ENTPD1: variants seen among roughly 807,000 people sequenced by gnomAD.
ENTPD1 encodes the protein ectonucleoside triphosphate diphosphohydrolase 1, also known as ATP diphosphohydrolase.
ENTPD1 carries 33 observed loss-of-function variants against 57.0 expected under a neutral mutation model. The observed-to-expected ratio is 0.58, with a 90% CI of 0.44 to 0.77. The LOEUF (loss-of-function observed/expected upper bound fraction) is 0.77. ENTPD1 is among the 30% of genes least tolerant of loss of function. The pLI, the probability that ENTPD1 is intolerant of heterozygous loss-of-function variation, is 0.00. For synonymous variants in ENTPD1, 202 were observed against 218.8 expected (o/e 0.92, Z 0.68); for missense variants, 501 against 603.4 (o/e 0.83, Z 1.78).
Position 95,869,884 on chromosome 10 carries a change from A to T in ENTPD1, c.*3501A>T. ...ATTTTGTGTCTATTACATTTACAGCACATCTTAATTAGGACTAGCTGTGTG... is the reference window on the plus strand; with the variant it reads ...ATTTTGTGTCTATTACATTTACAGCTCATCTTAATTAGGACTAGCTGTGTG... On this transcript the variant is annotated 3_prime_UTR_variant, in exon 10 of 10. Coordinates refer to ENST00000371205, the MANE Select transcript of ENTPD1 (RefSeq NM_001776.6). 1.2e-6 allele frequency: 1 copy of T among 835,382 alleles called. No individual in the cohort carries two copies. Among genetic ancestry groups the T allele is most frequent in the East Asian group, 1.2e-4 (1 of 8,110 alleles). The allele number at this position is 835,382 out of a possible 1,614,324, so 51.7% of individuals were successfully genotyped here.
chr10:95,767,456 C>CT (rs2140060525), intron 1 of ENTPD1, among the ~76,000 whole-genome samples: 1 of 151,826 alleles, frequency 6.6e-6, no homozygotes, highest in East Asian at 1.9e-4. Context: ...CTGTGTCCTC[C>CT]TTTTTCTTAT....
chr10:95,782,276 G>C (rs1286064877), intron 1 of ENTPD1, among the ~76,000 whole-genome samples: 1 of 152,188 alleles, frequency 6.6e-6, no homozygotes, highest in Non-Finnish European at 1.5e-5. Context: ...CTGTGATTCA[G>C]TATATATTTA....
Position 95,868,571 on chromosome 10 carries a change from C to T in ENTPD1, c.*2188C>T, listed in dbSNP as rs557100419. 43 of 985,394 alleles carry T rather than the reference C, an allele frequency of 4.4e-5. No homozygotes were observed. Among genetic ancestry groups the T allele is most frequent in the African/African-American group, 4.2e-4 (24 of 57,340 alleles). The allele number at this position is 985,394 out of a possible 1,614,324, so 61.0% of individuals were successfully genotyped here. ...ACAGCCGCTTTTTTCCTTCTGTCTGCGTATACAAAGCACTGTCATGCACAC... is the reference window on the plus strand; with the variant it reads ...ACAGCCGCTTTTTTCCTTCTGTCTGTGTATACAAAGCACTGTCATGCACAC... On this transcript the variant is annotated 3_prime_UTR_variant, in exon 10 of 10. Transcript: ENST00000371205.
chr10:95,859,982 T>C (rs955233451), intron 7 of ENTPD1, among the ~76,000 whole-genome samples: 1 of 152,152 alleles, frequency 6.6e-6, no homozygotes, highest in Non-Finnish European at 1.5e-5. Context: ...AATAAATATT[T>C]GTTGAATAAA....
At chr10:95,768,493 C>CTT (rs903054485) in intron 1 of ENTPD1, among the ~76,000 whole-genome samples, 3 of 125,346 alleles carry the variant, frequency 2.4e-5, no homozygotes, top group African/African-American at 9.1e-5. Flanking sequence ...TCTTTCTTTT[C>CTT]TTTTTTCTTT....
At chr10:95,811,317 CAG>C (rs2098306114) in intron 1 of ENTPD1, among the ~76,000 whole-genome samples, 1 of 152,188 alleles carries the variant, frequency 6.6e-6, no homozygotes, top group African/African-American at 2.4e-5. Context: ...GAGTGGCTGA[CAG>C]GGTGCTAGAG....
intron 7 of ENTPD1, among the ~76,000 whole-genome samples, chr10:95,860,067 C>A (rs1032429015): frequency 2.0e-5 from 3 of 152,044 alleles, no homozygotes; most frequent in African/African-American, 7.2e-5. Context: ...GGGGAAAAAA[C>A]CAATTTCGCT....
At chr10:95,740,849 GC>G (rs1237338444) in intron 1 of ENTPD1, among the ~76,000 whole-genome samples, 9 of 152,178 alleles carry the variant, frequency 5.9e-5, no homozygotes, top group African/African-American at 2.2e-4. Context: ...CTTTTCTTCT[GC>G]AGCTTTCTTA....
At position 95,760,229 on chromosome 10, in the gene ENTPD1, C is replaced by T. The variant is rs571407062; in HGVS notation, c.16+3974C>T. On this transcript the variant is annotated intron_variant, in intron 1 of 9. Coordinates refer to ENST00000371205, the MANE Select transcript of ENTPD1 (RefSeq NM_001776.6). The stretch of plus-strand genomic sequence containing the variant: ...GTGCCATGAGAAGCAGAATAGGGAG[C>T]GATGGCTTCTGGAGAAACTTCTCAA... Among the ~76,000 whole-genome samples the T allele has an allele frequency of 1.8e-4, 28 of 152,256 alleles. 1 individual carries two copies. The highest frequency in any genetic ancestry group is 4.8e-4 in the African/African-American group (20 of 41,544).
At position 95,823,307 on chromosome 10, in the gene ENTPD1, G is replaced by A. The variant is rs2098360683; in HGVS notation, c.87G>A (p.Val29=). The A allele has an allele frequency of 2.5e-6, 4 of 1,614,062 alleles. No individual in the cohort carries two copies. The highest frequency in any genetic ancestry group is 1.3e-5 in the African/African-American group (1 of 74,932). ...AILGFSSIIA[V]IALLAVGLTQ... is the part of the protein sequence containing the mutation. The stretch of plus-strand genomic sequence containing the variant: ...TTGGCTTCTCCTCTATCATAGCTGT[G>A]ATAGCTTTGCTTGCTGTGGGGTTGA... The change falls in exon 2 of 10, where the codon GTG becomes GTA. Residue 29 remains valine, a synonymous_variant. Transcript: ENST00000371205.
At chr10:95,785,897 T>C (rs909660045) in intron 1 of ENTPD1, among the ~76,000 whole-genome samples, 1 of 152,210 alleles carries the variant, frequency 6.6e-6, no homozygotes, top group Non-Finnish European at 1.5e-5. Flanking sequence ...GCACAGTGCC[T>C]GCTACCCAGT....
At chr10:95,856,671 T>TATATATATATATATAC (rs571622251) in intron 7 of ENTPD1, among the ~76,000 whole-genome samples, 247 of 146,742 alleles carry the variant, frequency 1.7e-3, no homozygotes, top group Middle Eastern at 3.6e-3. Context: ...TATATATATA[T>TATATATATATATATAC]ACACACACAT....
chr10:95,787,564 A>G (rs1205733199), intron 1 of ENTPD1, among the ~76,000 whole-genome samples: 1 of 152,208 alleles, frequency 6.6e-6, no homozygotes, highest in Non-Finnish European at 1.5e-5. Flanking sequence ...TTGTTGTATG[A>G]ATATAAGATA....
chr10:95,761,837 G>A (rs2098064758), intron 1 of ENTPD1, among the ~76,000 whole-genome samples: 3 of 152,218 alleles, frequency 2.0e-5, no homozygotes, highest in South Asian at 2.1e-4. Context: ...CTTGTGCTGG[G>A]TGTTGGAGTC....
chr10:95,808,340 T>C (rs1372757240), intron 1 of ENTPD1, among the ~76,000 whole-genome samples: 2 of 152,224 alleles, frequency 1.3e-5, no homozygotes, highest in Non-Finnish European at 2.9e-5. Flanking sequence ...TTGAGGATAT[T>C]TGCATCCATG....
At chr10:95,747,914 C>G (rs2098007768) in intron 1 of ENTPD1, among the ~76,000 whole-genome samples, 1 of 151,786 alleles carries the variant, frequency 6.6e-6, no homozygotes, top group South Asian at 2.1e-4. Flanking sequence ...CTCTGTCGCC[C>G]AGGCTGGAGT....
chr10:95,828,213 C>T (rs1242075058), intron 2 of ENTPD1, among the ~76,000 whole-genome samples: 2 of 152,172 alleles, frequency 1.3e-5, no homozygotes, highest in Admixed American at 1.3e-4. Flanking sequence ...GCATTAGATT[C>T]TTATAGGACC....
In ENTPD1 at chr10:95,873,306, C is replaced by T. The variant is rs560684491; in HGVS notation, c.*6923C>T. 4.1e-5 allele frequency: 40 copies of T among 985,440 alleles called. No individual in the cohort carries two copies. The South Asian group carries it at 1.6e-3, about 39-fold the overall frequency. 61.0% of individuals were successfully genotyped at this position (985,440 alleles called of 1,614,324 possible). A position where few individuals can be genotyped will look rare whatever the true frequency, so the allele number is the denominator to read the frequency against. On this transcript the variant is annotated 3_prime_UTR_variant, in exon 10 of 10. Transcript: ENST00000371205. ...AGCAGGCCAGCTAACGTGGTATTTA[C>T]AAAGCTCACTCCTCTTATACAACAA... is the stretch of plus-strand genomic sequence containing the variant.
chr10:95,705,861 C>A, the ENTPD1 span, among the ~76,000 whole-genome samples: 1 of 152,170 alleles, frequency 6.6e-6, no homozygotes, highest in East Asian at 1.9e-4. Context: ...CTTTGGGAGT[C>A]CAAGGTGGTT....
Sources: allele counts gnomAD v4.1 joint callset (sites outside exome capture counted in the v4.1 genomes callset), GRCh38; gene constraint gnomAD v4.1.1; transcripts MANE v1.5; gene names NCBI Gene and HGNC (gene_info 2026-07-23, HGNC 2026-07-21).